The following DUOX1 variants were observed in gnomAD, a reference collection of about 807,000 sequenced individuals.
The protein encoded by DUOX1 is dual oxidase 1.
DUOX1 carries 134 observed loss-of-function variants against 181.8 expected under a neutral mutation model. That is an observed-to-expected ratio of 0.74 (90% CI 0.64 to 0.85). The LOEUF (loss-of-function observed/expected upper bound fraction) is 0.85. Ranked by LOEUF, DUOX1 falls within the 40% of genes least tolerant of loss-of-function variation. The probability of loss-of-function intolerance (pLI) is 0.00; values close to 1 mark genes in which losing one functional copy is unlikely to be tolerated. For synonymous variants in DUOX1, 798 were observed against 832.5 expected, an observed-to-expected ratio of 0.96 and a Z score of 0.71; for missense variants, 1,814 against 2,064.4, an observed-to-expected ratio of 0.88 and a Z score of 2.35.
chr15:45,155,817 T>C lies in DUOX1; in HGVS notation c.3590T>C (p.Val1197Ala), dbSNP rs767907268. 11 of 1,613,782 alleles carry C rather than the reference T, an allele frequency of 6.8e-6. No individual in the cohort carries two copies. Among genetic ancestry groups the C allele is most frequent in the Admixed American group, 1.7e-5 (1 of 59,996 alleles). ...CATTTTGCAGGCCTCACGGGGGTTGTGCTGCTCCTGATCCTGGCCATCATG... is the reference window on the plus strand; with the variant it reads ...CATTTTGCAGGCCTCACGGGGGTTGCGCTGCTCCTGATCCTGGCCATCATG... ...FQTVPGLTGVVLLLILAIMYV... is the reference protein window; with the variant it reads ...FQTVPGLTGVALLLILAIMYV... Residue 1197 changes from valine (V) to alanine (A), a missense_variant, in exon 28 of 34, where the codon GTG becomes GCG. Physicochemically the swap from Val to Ala is moderately conservative, Grantham distance 64. Transcript: ENST00000389037.
chr15:45,158,430 C>G (rs941987441), intron 28 of DUOX1, among the ~76,000 whole-genome samples: 1 of 151,982 alleles, frequency 6.6e-6, no homozygotes, highest in Non-Finnish European at 1.5e-5. Flanking sequence ...ATCTGTTGGC[C>G]GAGTGCAGTG....
At position 45,140,858 on chromosome 15, in the gene DUOX1, T is replaced by G. The variant is rs1040939173; in HGVS notation, c.1390-37T>G. On this transcript the variant is annotated intron_variant, in intron 12 of 33. Coordinates refer to ENST00000389037, the MANE Select transcript of DUOX1 (RefSeq NM_175940.3). ...CCTCTTTGCCTTAGGGTGGGTGCCG[T>G]GTCCTTTCTCTTACTTCTGCCCCTT... is the stretch of plus-strand genomic sequence containing the variant. The G allele has an allele frequency of 3.1e-6, 5 of 1,607,098 alleles. No individual in the cohort carries two copies. In the African/African-American group the frequency reaches 5.4e-5, roughly 17 times the overall value.
rs1182813877 is a variant in DUOX1, at chr15:45,139,064, A to C, written c.1114-2A>C. ...TTTCCTCCCCACCCCCAACCTATAA[A>C]GCACCCAAGCCTACAAAGTGCTGAA... On this transcript the variant is annotated splice_acceptor_variant, in intron 10 of 33. Transcript: ENST00000389037. LOFTEE classifies it high-confidence loss of function. 1 of 1,613,242 alleles carries C rather than the reference A, an allele frequency of 6.2e-7. No individual in the cohort carries two copies. Among genetic ancestry groups the C allele is most frequent in the Non-Finnish European group, 8.5e-7 (1 of 1,179,638 alleles).
In DUOX1 at chr15:45,138,078, A is replaced by ATGTGTGTGTGTG. The variant is rs72204897; in HGVS notation, c.1113+81_1113+92dup. 4.1e-3 allele frequency: 2,238 copies of ATGTGTGTGTGTG among 548,814 alleles called. 41 individuals are homozygous for ATGTGTGTGTGTG. Among genetic ancestry groups the ATGTGTGTGTGTG allele is most frequent in the African/African-American group, 0.039 (1,965 of 50,342 alleles). 34.0% of individuals were successfully genotyped at this position (548,814 alleles called of 1,614,324 possible). On this transcript the variant is annotated intron_variant, in intron 10 of 33. Transcript: ENST00000389037. ...TGTGCATGCTTATGTGTGTGTGTGT[A>ATGTGTGTGTGTG]TGTGTGTGTGTGTGTGTGTGTGTGT...
At chr15:45,163,446 C>G (rs1048439818) in intron 31 of DUOX1, 86 bp from the exon 32 acceptor site, 22 of 1,568,230 alleles carry the variant, frequency 1.4e-5, no homozygotes, top group Non-Finnish European at 1.9e-5. Context: ...TAGCTGTGGT[C>G]AGAAGAGTTC....
chr15:45,149,362 C>A (rs1896747223), intron 21 of DUOX1, among the ~76,000 whole-genome samples: 1 of 152,170 alleles, frequency 6.6e-6, no homozygotes, highest in African/African-American at 2.4e-5. Context: ...GGGCAGCAGG[C>A]ACCTGAGCCT....
At position 45,164,029 on chromosome 15, in the gene DUOX1, C is replaced by A. The variant is rs1237444041; in HGVS notation, c.4533+111C>A. 4 of 1,461,458 alleles carry A rather than the reference C, an allele frequency of 2.7e-6. No homozygotes were observed. The African/African-American group carries it at 5.6e-5, about 21-fold the overall frequency. The allele number at this position is 1,461,458 out of a possible 1,614,324, so 90.5% of individuals were successfully genotyped here. On this transcript the variant is annotated intron_variant, in intron 33 of 33. Transcript: ENST00000389037. ...AATCGACTGCTGATGAGAACCCATC[C>A]CCTGGGAGATTGGTGGGGTAATGGA... is the stretch of plus-strand genomic sequence containing the variant.
chr15:45,141,098 G>C, intron 13 of DUOX1, 28 bp downstream of exon 13: 1 of 1,613,850 alleles, frequency 6.2e-7, no homozygotes, highest in South Asian at 1.1e-5. Flanking sequence ...TCCGCCTCAG[G>C]CTCTACCTCG....
intron 21 of DUOX1, among the ~76,000 whole-genome samples, chr15:45,149,767 G>A (rs558687779): frequency 3.3e-4 from 50 of 152,264 alleles, no homozygotes; most frequent in African/African-American, 1.1e-3. Flanking sequence ...CACAAGAATC[G>A]CTTGAACCAG....
intron 28 of DUOX1, among the ~76,000 whole-genome samples, chr15:45,160,014 T>G (rs1897058224): frequency 6.6e-6 from 1 of 152,120 alleles, no homozygotes. Flanking sequence ...TATCTGGGTT[T>G]GGTGGCAGGT....
rs762388921 is a variant in DUOX1 at position 45,139,511 on chromosome 15, C to T, written c.1301C>T (p.Ser434Phe). Residue 434 changes from serine (S) to phenylalanine (F), a missense_variant, in exon 12 of 34, where the codon TCT becomes TTT. Coordinates refer to ENST00000389037, the MANE Select transcript of DUOX1 (RefSeq NM_175940.3). ...LQRGRDLGLP[S>F]YTKARAALGL... is the part of the protein sequence containing the mutation. ...CGGGGCCGGGATCTGGGCCTGCCCTCTTACACCAAGGCCAGGGCAGCACTG... is the reference window on the plus strand; with the variant it reads ...CGGGGCCGGGATCTGGGCCTGCCCTTTTACACCAAGGCCAGGGCAGCACTG... 3 of 1,613,828 alleles carry T rather than the reference C, an allele frequency of 1.9e-6. No individual in the cohort carries two copies. The Admixed American group carries it at 5.0e-5, about 27-fold the overall frequency.
chr15:45,136,648 TG>T, intron 9 of DUOX1, 23 bp downstream of exon 9: 4 of 1,611,998 alleles, frequency 2.5e-6, no homozygotes, highest in Non-Finnish European at 3.4e-6. Context: ...CTCAAAGGTG[TG>T]TGTGCTGGGA....
At chr15:45,131,866 C>G in intron 1 of DUOX1, 52 bp from the exon 2 acceptor site, 1 of 1,307,698 alleles carries the variant, frequency 7.6e-7, no homozygotes, top group Non-Finnish European at 1.1e-6. Flanking sequence ...CAGAGTCTTT[C>G]ACCTGATTCT....
At chr15:45,135,083 C>G in intron 4 of DUOX1, 21 bp from the exon 5 acceptor site, 1 of 1,608,754 alleles carries the variant, frequency 6.2e-7, no homozygotes. Context: ...GCCCTAGCAC[C>G]CCCTCCTGCA....
At chr15:45,150,397 T>C (rs1896768465) in intron 21 of DUOX1, 2 of 551,614 alleles carry the variant, frequency 3.6e-6, no homozygotes, top group South Asian at 2.3e-5. Flanking sequence ...GGACACACTT[T>C]AGGGAAGCCT....
At chr15:45,149,101 G>A (rs1896741329) in intron 21 of DUOX1, among the ~76,000 whole-genome samples, 1 of 152,138 alleles carries the variant, frequency 6.6e-6, no homozygotes, top group Non-Finnish European at 1.5e-5. Flanking sequence ...GGGTCTGTCT[G>A]TGGCCTGCTC....
intron 11 of DUOX1, 107 bp from the exon 12 acceptor site, chr15:45,139,320 C>G: frequency 6.3e-7 from 1 of 1,586,620 alleles, no homozygotes; most frequent in Non-Finnish European, 8.6e-7. Context: ...CTGACCATGG[C>G]TCCTTCTGGC....
chr15:45,158,567 T>C (rs950081572), intron 28 of DUOX1, among the ~76,000 whole-genome samples: 1 of 151,798 alleles, frequency 6.6e-6, no homozygotes, highest in African/African-American at 2.4e-5. Flanking sequence ...CCGGGAGTGG[T>C]GGCATGCGCC....
intron 28 of DUOX1, among the ~76,000 whole-genome samples, chr15:45,159,958 C>G (rs1897057494): frequency 6.6e-6 from 1 of 152,128 alleles, no homozygotes; most frequent in Admixed American, 6.5e-5. Context: ...TCGAGACCAG[C>G]CTGGCCAACA....
Sources: gnomAD v4.1 joint callset for allele counts (sites outside exome capture counted in the v4.1 genomes callset) on GRCh38, gnomAD v4.1.1 for gene constraint, MANE v1.5 for transcripts, NCBI Gene and HGNC (gene_info 2026-07-23, HGNC 2026-07-21) for gene names.